Variants in RPS6KA5 observed in about 807,000 individuals in gnomAD.
The protein encoded by RPS6KA5 is ribosomal protein S6 kinase alpha-5.
A neutral mutation model predicts 85.5 loss-of-function variants in RPS6KA5; 27 were observed. The ratio of observed to expected loss-of-function variants is 0.32; its 90% confidence interval spans 0.23 to 0.44. The LOEUF is 0.44. Ranked by LOEUF, RPS6KA5 falls within the 20% of genes least tolerant of loss-of-function variation. The pLI is 1.00. For missense variants in RPS6KA5, 811 were observed against 980.9 expected, an observed-to-expected ratio of 0.83 and a Z score of 2.31; for synonymous variants, 334 against 348.2, an observed-to-expected ratio of 0.96 and a Z score of 0.46.
rs34807092 is a variant in RPS6KA5 at position 91,056,867 on chromosome 14, CTTTTTTTTT to C, written c.103+3456_103+3464del. 7.6e-3 allele frequency among the ~76,000 whole-genome samples: 296 copies of C among 38,898 alleles called. 1 individual carries two copies. The highest frequency in any genetic ancestry group is 0.026 in the African/African-American group (277 of 10,796). 25.5% of individuals were successfully genotyped at this position (38,898 alleles called of 152,430 possible). A position where few individuals can be genotyped will look rare whatever the true frequency, so the allele number is the denominator to read the frequency against. Reference sequence around the variant, plus strand: ...ACTGTTATACTTAAGGCAGTATTATCTTTTTTTTTTTTTTTTTTTTTTTTTTTTTGGAGA... The same window carrying C: ...ACTGTTATACTTAAGGCAGTATTATCTTTTTTTTTTTTTTTTTTTTGGAGA... On this transcript the variant is annotated intron_variant, in intron 1 of 16. Transcript: ENST00000614987.
chr14:90,881,403 A>G (rs2033827487), intron 14 of RPS6KA5, among the ~76,000 whole-genome samples: 2 of 150,584 alleles, frequency 1.3e-5, no homozygotes, highest in African/African-American at 4.9e-5. Flanking sequence ...CAGTGAGCTG[A>G]GATTGTGCCA....
intron 3 of RPS6KA5, among the ~76,000 whole-genome samples, chr14:90,973,515 T>TC (rs891447387): frequency 6.6e-6 from 1 of 151,762 alleles, no homozygotes; most frequent in African/African-American, 2.4e-5. Context: ...ACAGGTTTTT[T>TC]CCCCCAAACA....
intron 1 of RPS6KA5, among the ~76,000 whole-genome samples, chr14:91,020,282 T>A (rs2041690900): frequency 1.3e-5 from 2 of 151,342 alleles, no homozygotes; most frequent in Admixed American, 1.3e-4. Context: ...AATTATAGAT[T>A]TAAAATATTC....
chr14:90,922,201 C>G (rs1455651107), intron 6 of RPS6KA5, among the ~76,000 whole-genome samples: 2 of 152,162 alleles, frequency 1.3e-5, no homozygotes, highest in Non-Finnish European at 2.9e-5. Context: ...AAGAAAATAT[C>G]AGTGATTCCC....
At chr14:91,020,101 C>A (rs1393399497) in intron 1 of RPS6KA5, among the ~76,000 whole-genome samples, 17 of 152,032 alleles carry the variant, frequency 1.1e-4, no homozygotes, top group Admixed American at 1.0e-3. Context: ...GTAACAACAC[C>A]GTATTATAAT....
chr14:91,001,974 A>G (rs2040813513), intron 1 of RPS6KA5, among the ~76,000 whole-genome samples: 1 of 152,192 alleles, frequency 6.6e-6, no homozygotes. Flanking sequence ...CTGTATTATG[A>G]AAATATGCAT....
At chr14:90,919,759 C>G (rs2036304477) in intron 7 of RPS6KA5, among the ~76,000 whole-genome samples, 1 of 152,004 alleles carries the variant, frequency 6.6e-6, no homozygotes, top group Middle Eastern at 3.2e-3. Flanking sequence ...TGCTCTGAGA[C>G]CTACAAGAGG....
At chr14:90,872,479 T>C (rs1465231644) in intron 16 of RPS6KA5, among the ~76,000 whole-genome samples, 157 bp from the exon 17 acceptor site, 2 of 152,100 alleles carry the variant, frequency 1.3e-5, no homozygotes, top group Non-Finnish European at 2.9e-5. Flanking sequence ...TCTAAGTCTA[T>C]TGGCAGGGTG....
intron 5 of RPS6KA5, among the ~76,000 whole-genome samples, chr14:90,939,278 T>C (rs987712800): frequency 6.6e-6 from 1 of 152,216 alleles, no homozygotes; most frequent in Admixed American, 6.5e-5. Context: ...TCATTGTCCA[T>C]ATCATTATCA....
chr14:91,029,336 T>C (rs2042098452), intron 1 of RPS6KA5, among the ~76,000 whole-genome samples: 1 of 152,220 alleles, frequency 6.6e-6, no homozygotes, highest in Non-Finnish European at 1.5e-5. Flanking sequence ...TGTCCTTATT[T>C]ATGATATTAA....
intron 7 of RPS6KA5, among the ~76,000 whole-genome samples, chr14:90,918,308 C>T (rs956293965): frequency 6.6e-5 from 10 of 152,102 alleles, no homozygotes; most frequent in Non-Finnish European, 1.3e-4. Context: ...TTTTCATGTG[C>T]TAATTTGCCA....
chr14:90,914,478 C>A (rs2140273652), intron 7 of RPS6KA5, among the ~76,000 whole-genome samples: 1 of 152,086 alleles, frequency 6.6e-6, no homozygotes, highest in East Asian at 1.9e-4. Context: ...CCATGCCCAG[C>A]TAATTTTTTA....
intron 2 of RPS6KA5, among the ~76,000 whole-genome samples, chr14:91,000,052 C>T (rs2040717502): frequency 6.6e-6 from 1 of 152,154 alleles, no homozygotes; most frequent in Non-Finnish European, 1.5e-5. Flanking sequence ...CCCATCTTGG[C>T]CTCCCAAAGT....
Position 90,859,922 on chromosome 14 carries a change from G to A in RPS6KA5, c.*12152C>T, listed in dbSNP as rs982326254. 1.2e-4 allele frequency: 18 copies of A among 151,442 alleles called. 1 individual carries two copies. Among genetic ancestry groups the A allele is most frequent in the Admixed American group, 5.3e-4 (8 of 15,154 alleles). The allele number at this position is 151,442 out of a possible 1,614,324, so 9.4% of individuals were successfully genotyped here. On this transcript the variant is annotated 3_prime_UTR_variant, in exon 17 of 17. Coordinates refer to ENST00000614987, the MANE Select transcript of RPS6KA5 (RefSeq NM_004755.4). ...TGGGAGTTGAACAATGAGAACACAT[G>A]GAAACAGGGAGGGGAACATCACACG...
intron 2 of RPS6KA5, among the ~76,000 whole-genome samples, chr14:90,985,678 T>G (rs1240636282): frequency 6.6e-6 from 1 of 152,210 alleles, no homozygotes; most frequent in Non-Finnish European, 1.5e-5. Flanking sequence ...TGACTTATAC[T>G]TAGCCAGCTC....
Position 90,849,310 on chromosome 14 carries a change from A to C in RPS6KA5, c.*22764T>G, listed in dbSNP as rs1031184680. The C allele has an allele frequency of 2.0e-5, 3 of 152,220 alleles. No individual in the cohort carries two copies. Among genetic ancestry groups the C allele is most frequent in the Non-Finnish European group, 2.9e-5 (2 of 68,032 alleles). 9.4% of individuals were successfully genotyped at this position (152,220 alleles called of 1,614,324 possible). On this transcript the variant is annotated 3_prime_UTR_variant, in exon 17 of 17. Transcript: ENST00000614987. ...GGAAACAAAGTTTTGGCCAGAGATG[A>C]ACACGCACCCATATGTCTGAAGACA...
chr14:90,858,111 G>A lies in RPS6KA5; in HGVS notation c.*13963C>T, dbSNP rs905569811. On this transcript the variant is annotated 3_prime_UTR_variant, in exon 17 of 17. Transcript: ENST00000614987. Reference sequence around the variant, plus strand: ...CCTCCTACTGAAAACAACGATGAAAGCTATATTAACCCTTTTCCGGTTTAG... The same window carrying A: ...CCTCCTACTGAAAACAACGATGAAAACTATATTAACCCTTTTCCGGTTTAG... 1 of 151,976 alleles carries A rather than the reference G, an allele frequency of 6.6e-6. No homozygotes were observed. Among genetic ancestry groups the A allele is most frequent in the Admixed American group, 6.6e-5 (1 of 15,258 alleles). 9.4% of individuals were successfully genotyped at this position (151,976 alleles called of 1,614,324 possible).
chr14:90,943,016 G>T, intron 5 of RPS6KA5, 62 bp downstream of exon 5: 1 of 946,642 alleles, frequency 1.1e-6, no homozygotes, highest in Non-Finnish European at 1.7e-6. Context: ...TTTATTCTAC[G>T]GCTAAGTTTT....
At chr14:90,903,665 T>G (rs1194568051) in intron 8 of RPS6KA5, among the ~76,000 whole-genome samples, 1 of 152,218 alleles carries the variant, frequency 6.6e-6, no homozygotes, top group African/African-American at 2.4e-5. Context: ...AACCCTTTGC[T>G]CTGTTTCTTT....
Sources: allele counts gnomAD v4.1 joint callset (sites outside exome capture counted in the v4.1 genomes callset), GRCh38; gene constraint gnomAD v4.1.1; transcripts MANE v1.5; gene names NCBI Gene and HGNC (gene_info 2026-07-23, HGNC 2026-07-21).